TNKS: variants seen among roughly 807,000 people sequenced by gnomAD.
The protein encoded by TNKS is poly [ADP-ribose] polymerase tankyrase-1.
A neutral mutation model predicts 135.8 loss-of-function variants in TNKS; 72 were observed. The ratio of observed to expected loss-of-function variants is 0.53; its 90% CI spans 0.44 to 0.64. TNKS has a LOEUF of 0.64. TNKS is among the 30% of genes least tolerant of loss of function. The pLI is 0.00. For missense variants in TNKS, 1,769 were observed against 1,674.0 expected (o/e 1.06, Z -0.99); for synonymous variants, 849 against 649.3 (o/e 1.31, Z -4.68).
chr8:9,662,587 G>T (rs529266335), intron 3 of TNKS, among the ~76,000 whole-genome samples: 9 of 152,236 alleles, frequency 5.9e-5, no homozygotes, highest in African/African-American at 2.2e-4. Context: ...ACACACCGGG[G>T]ACAGTTGTGT....
intron 1 of TNKS, among the ~76,000 whole-genome samples, chr8:9,569,300 C>G (rs953681457): frequency 1.3e-5 from 2 of 152,118 alleles, no homozygotes; most frequent in African/African-American, 4.8e-5. Flanking sequence ...ATAAGTGTAC[C>G]GGGAGGTGAA....
intron 5 of TNKS, among the ~76,000 whole-genome samples, chr8:9,690,488 G>A (rs1803213364): frequency 6.6e-6 from 1 of 152,064 alleles, no homozygotes; most frequent in African/African-American, 2.4e-5. Flanking sequence ...GGCCAAGCAT[G>A]GTGGCTCACG....
intron 3 of TNKS, among the ~76,000 whole-genome samples, chr8:9,632,608 T>C (rs1469991262): frequency 6.6e-6 from 1 of 152,248 alleles, no homozygotes; most frequent in African/African-American, 2.4e-5. Context: ...GAAATTGGTA[T>C]AGCATTTCAC....
chr8:9,741,283 A>T (rs938785352), intron 17 of TNKS, among the ~76,000 whole-genome samples: 8 of 152,132 alleles, frequency 5.3e-5, no homozygotes, highest in Admixed American at 1.3e-4. Flanking sequence ...CTGAAATTAG[A>T]TCTTTTATCG....
intron 20 of TNKS, among the ~76,000 whole-genome samples, chr8:9,760,856 A>G (rs1243971191): frequency 6.6e-6 from 1 of 152,238 alleles, no homozygotes; most frequent in Non-Finnish European, 1.5e-5. Context: ...TATTTTAAGG[A>G]GAAGGGATTA....
chr8:9,695,104 A>G (rs909580849), intron 5 of TNKS, among the ~76,000 whole-genome samples: 3 of 152,206 alleles, frequency 2.0e-5, no homozygotes, highest in African/African-American at 7.2e-5. Context: ...ATGTGATAAT[A>G]CATCTAGACA....
chr8:9,712,732 T>G (rs1293319918), intron 11 of TNKS, among the ~76,000 whole-genome samples: 1 of 148,570 alleles, frequency 6.7e-6, no homozygotes, highest in Non-Finnish European at 1.5e-5. Flanking sequence ...CTACAAATAA[T>G]AAAAAAAAAT....
chr8:9,747,908 A>T, intron 17 of TNKS, 116 bp from the exon 18 acceptor site: 2 of 987,750 alleles, frequency 2.0e-6, no homozygotes, highest in South Asian at 1.9e-5. Flanking sequence ...AACTTCTGTT[A>T]AGGATGAAAA....
intron 20 of TNKS, 72 bp downstream of exon 20, chr8:9,752,698 C>G: frequency 9.5e-7 from 1 of 1,048,770 alleles, no homozygotes. Context: ...GTGGTTCACA[C>G]CTTACTCCCA....
Position 9,770,211 on chromosome 8 carries a change from G to C in TNKS, c.3846G>C (p.Pro1282=), listed in dbSNP as rs144079466. 3.1e-6 allele frequency: 5 copies of C among 1,613,284 alleles called. No homozygotes were observed. In the African/African-American group the frequency reaches 6.7e-5, roughly 22 times the overall value. The change falls in exon 26 of 27, where the codon CCG becomes CCC. Residue 1282 remains proline, a synonymous_variant. Transcript: ENST00000310430. Reference sequence around the variant, plus strand: ...GGCACCACTCAGTCATTGGTAGACCGAGCGTCAATGGGCTGGCATATGCTG... The same window carrying C: ...GGCACCACTCAGTCATTGGTAGACCCAGCGTCAATGGGCTGGCATATGCTG... ...PPGHHSVIGR[P]SVNGLAYAEY...
Position 9,640,718 on chromosome 8 carries a change from C to T in TNKS, c.994+25041C>T, listed in dbSNP as rs563496881. Among the ~76,000 whole-genome samples the T allele has an allele frequency of 3.4e-5, 5 of 145,900 alleles. No homozygotes were observed. In the South Asian group the frequency reaches 6.6e-4, roughly 19 times the overall value. The stretch of plus-strand genomic sequence containing the variant: ...AGGAGCTGGCCTGACATAGCTAGGT[C>T]ATGTTGTTCTCTGGTTGGATCTGAA... On this transcript the variant is annotated intron_variant, in intron 3 of 26. Coordinates refer to ENST00000310430, the MANE Select transcript of TNKS (RefSeq NM_003747.3).
At chr8:9,590,603 C>CG (rs1367423336) in intron 2 of TNKS, among the ~76,000 whole-genome samples, 1 of 152,124 alleles carries the variant, frequency 6.6e-6, no homozygotes, top group Non-Finnish European at 1.5e-5. Context: ...GTGCTTGCTC[C>CG]GAGTAAAATG....
chr8:9,730,230 G>A (rs11785927), intron 13 of TNKS, among the ~76,000 whole-genome samples: 106,498 of 151,938 alleles, frequency 0.7, 37,860 homozygotes, highest in Admixed American at 0.8. Context: ...AAGCATTCAG[G>A]GAGAGATAAG....
intron 2 of TNKS, among the ~76,000 whole-genome samples, chr8:9,581,390 T>C (rs1175982566): frequency 6.6e-6 from 1 of 152,210 alleles, no homozygotes; most frequent in African/African-American, 2.4e-5. Context: ...TCCTGTCCTT[T>C]CAGTTTTTTG....
Position 9,776,719 on chromosome 8 carries a change from G to C in TNKS, c.3967G>C (p.Ala1323Pro). ...AGCCCCTTCCCAGACCGCAACAGCC[G>C]CAGAGCAGAAGACCTAGTGAATGCC... is the stretch of plus-strand genomic sequence containing the variant. ...PEAPSQTATA[A>P]EQKT The change falls in exon 27 of 27, where the codon GCA (alanine) becomes CCA (proline). Residue 1323 changes from alanine (A) to proline (P), a missense_variant. By Grantham distance (27) the Ala-to-Pro change is conservative. This residue lies in a region of TNKS where 722 missense variants were observed against 688.9 expected (regional missense o/e 1.05). Transcript: ENST00000310430. 1 of 1,613,952 alleles carries C rather than the reference G, an allele frequency of 6.2e-7. No individual in the cohort carries two copies. Among genetic ancestry groups the C allele is most frequent in the Non-Finnish European group, 8.5e-7 (1 of 1,179,892 alleles).
At chr8:9,704,630 T>C in intron 5 of TNKS, 33 bp from the exon 6 acceptor site, 2 of 1,557,804 alleles carry the variant, frequency 1.3e-6, no homozygotes, top group Non-Finnish European at 1.8e-6. Context: ...TTTGTTTGTT[T>C]TTACCTGAAA....
At position 9,659,755 on chromosome 8, in the gene TNKS, T is replaced by G. The variant is rs536489942; in HGVS notation, c.995-20196T>G. On this transcript the variant is annotated intron_variant, in intron 3 of 26. Coordinates refer to ENST00000310430, the MANE Select transcript of TNKS (RefSeq NM_003747.3). Reference sequence around the variant, plus strand: ...AAGATCAGAGCAGAACTGAAGGAGATAGAGACACAAAAAACCGTTCAAAAA... The same window carrying G: ...AAGATCAGAGCAGAACTGAAGGAGAGAGAGACACAAAAAACCGTTCAAAAA... 6.5e-4 allele frequency among the ~76,000 whole-genome samples: 98 copies of G among 151,748 alleles called. 1 individual carries two copies. The highest frequency in any genetic ancestry group is 1.2e-3 in the Non-Finnish European group (82 of 67,902).
At position 9,761,500 on chromosome 8, in the gene TNKS, T is replaced by C. The variant is rs1807146456; in HGVS notation, c.3154-16T>C. 1 of 1,612,008 alleles carries C rather than the reference T, an allele frequency of 6.2e-7. No individual in the cohort carries two copies. Among genetic ancestry groups the C allele is most frequent in the South Asian group, 1.1e-5 (1 of 90,424 alleles). ...ACTGTTAAAGATATCCTAGCTAATT[T>C]TGTTTCATTTTTCAGATTACACTAG... On this transcript the variant is annotated splice_polypyrimidine_tract_variant and intron_variant, in intron 20 of 26. Coordinates refer to ENST00000310430, the MANE Select transcript of TNKS (RefSeq NM_003747.3).
chr8:9,755,711 C>T (rs1806798649), intron 20 of TNKS, among the ~76,000 whole-genome samples: 1 of 152,172 alleles, frequency 6.6e-6, no homozygotes, highest in Non-Finnish European at 1.5e-5. Flanking sequence ...ATCTGTTTGG[C>T]TTAAGCCAGG....
Sources: gnomAD v4.1 joint callset for allele counts (sites outside exome capture counted in the v4.1 genomes callset) on GRCh38, gnomAD v4.1.1 for gene constraint, gnomAD v4.1.1 regional missense constraint, MANE v1.5 for transcripts, NCBI Gene and HGNC (gene_info 2026-07-23, HGNC 2026-07-21) for gene names.